NCAM2: variants seen among roughly 807,000 people sequenced by gnomAD.
NCAM2 encodes the protein neural cell adhesion molecule 2, also known as N-CAM-2.
NCAM2 carries 30 observed loss-of-function variants against 98.1 expected under a neutral mutation model. The ratio of observed to expected loss-of-function variants is 0.31; its 90% CI spans 0.23 to 0.41. The LOEUF is 0.41. NCAM2 is among the 10% of genes least tolerant of loss of function. The pLI is 1.00. For synonymous variants in NCAM2, 368 were observed against 342.4 expected, an observed-to-expected ratio of 1.07 and a Z score of -0.83; for missense variants, 867 against 1,005.8, an observed-to-expected ratio of 0.86 and a Z score of 1.87.
chr21:21,326,987 A>G (rs1272422205), intron 6 of NCAM2, among the ~76,000 whole-genome samples: 1 of 152,214 alleles, frequency 6.6e-6, no homozygotes, highest in Non-Finnish European at 1.5e-5. Context: ...AATATTTCCA[A>G]GCGAGATAAG....
At chr21:21,474,459 A>T (rs1984883454) in intron 14 of NCAM2, among the ~76,000 whole-genome samples, 1 of 152,036 alleles carries the variant, frequency 6.6e-6, no homozygotes, top group African/African-American at 2.4e-5. Flanking sequence ...TTTTTGAAGG[A>T]TTACCTGAAG....
At chr21:21,329,464 G>T (rs941067352) in intron 6 of NCAM2, among the ~76,000 whole-genome samples, 3 of 152,112 alleles carry the variant, frequency 2.0e-5, no homozygotes, top group Non-Finnish European at 4.4e-5. Flanking sequence ...ACTCTATGAT[G>T]TAAACAGAGC....
intron 1 of NCAM2, among the ~76,000 whole-genome samples, chr21:21,000,589 A>G (rs943073310): frequency 3.3e-5 from 5 of 152,224 alleles, no homozygotes; most frequent in African/African-American, 1.2e-4. Context: ...TGAGACAAGC[A>G]TCTCTGAAGG....
intron 8 of NCAM2, among the ~76,000 whole-genome samples, chr21:21,343,543 G>C (rs982376638): frequency 6.6e-6 from 1 of 152,126 alleles, no homozygotes. Context: ...GCCTTGACAT[G>C]GTGTCGAGAG....
At chr21:21,453,015 A>T (rs867029458) in intron 12 of NCAM2, among the ~76,000 whole-genome samples, 2,060 of 106,110 alleles carry the variant, frequency 0.019, 31 homozygotes, top group Non-Finnish European at 0.031. Flanking sequence ...TAATATATAA[A>T]AATATATAAT....
At chr21:21,100,662 T>A (rs1342309984) in intron 1 of NCAM2, among the ~76,000 whole-genome samples, 1 of 152,086 alleles carries the variant, frequency 6.6e-6, no homozygotes, top group Admixed American at 6.6e-5. Context: ...CACTTGAGTC[T>A]ACTTCCACTG....
intron 1 of NCAM2, among the ~76,000 whole-genome samples, chr21:21,133,813 C>A (rs527661749): frequency 8.5e-5 from 13 of 152,304 alleles, no homozygotes; most frequent in African/African-American, 3.1e-4. Flanking sequence ...ATCCCTTACC[C>A]AACCAACTTT....
intron 1 of NCAM2, among the ~76,000 whole-genome samples, chr21:21,024,891 A>G (rs1371151693): frequency 2.9e-5 from 4 of 137,822 alleles, no homozygotes; most frequent in African/African-American, 8.9e-5. Flanking sequence ...CGTCTCAAAG[A>G]AAAAAAAAAA....
At chr21:21,037,349 T>C (rs186055331) in intron 1 of NCAM2, among the ~76,000 whole-genome samples, 222 of 152,360 alleles carry the variant, frequency 1.5e-3, no homozygotes, top group African/African-American at 5.0e-3. Flanking sequence ...AATATAATTT[T>C]ATACCCATAG....
chr21:21,368,509 A>G (rs1305508933), intron 8 of NCAM2, among the ~76,000 whole-genome samples: 1 of 151,886 alleles, frequency 6.6e-6, no homozygotes, highest in Non-Finnish European at 1.5e-5. Context: ...AACAACAGAA[A>G]TTTATTTCTC....
intron 10 of NCAM2, among the ~76,000 whole-genome samples, chr21:21,411,703 G>A (rs2076891536): frequency 1.3e-5 from 2 of 152,028 alleles, no homozygotes; most frequent in South Asian, 4.1e-4. Flanking sequence ...GTTTGCATAA[G>A]CTAAAATGAA....
intron 1 of NCAM2, chr21:21,226,679 A>T (rs767861287): frequency 1.3e-5 from 2 of 152,068 alleles, no homozygotes; most frequent in Admixed American, 6.6e-5. Context: ...TGTATCTGTG[A>T]TTGTTATTCA....
chr21:21,112,348 G>T (rs184994245), intron 1 of NCAM2, among the ~76,000 whole-genome samples: 1 of 152,102 alleles, frequency 6.6e-6, no homozygotes, highest in East Asian at 1.9e-4. Context: ...TTCATCTCTG[G>T]ACAACAGAGA....
intron 9 of NCAM2, among the ~76,000 whole-genome samples, chr21:21,384,932 C>T (rs2076233373): frequency 6.6e-6 from 1 of 151,850 alleles, no homozygotes; most frequent in Admixed American, 6.6e-5. Flanking sequence ...AATATGTAAC[C>T]ATGATTGTAA....
At chr21:21,214,529 G>A (rs1268239191) in intron 1 of NCAM2, among the ~76,000 whole-genome samples, 5 of 151,732 alleles carry the variant, frequency 3.3e-5, no homozygotes, top group Non-Finnish European at 5.9e-5. Flanking sequence ...ACTCCTAAGT[G>A]GTGTTTCTGG....
At chr21:21,467,793 A>G (rs1443212718) in intron 13 of NCAM2, among the ~76,000 whole-genome samples, 1 of 151,884 alleles carries the variant, frequency 6.6e-6, no homozygotes, top group Non-Finnish European at 1.5e-5. Context: ...TGGGGAAGTC[A>G]AGGCTGAAAT....
At chr21:21,511,563 G>A (rs953529733) in intron 16 of NCAM2, among the ~76,000 whole-genome samples, 5 of 151,812 alleles carry the variant, frequency 3.3e-5, no homozygotes, top group African/African-American at 1.2e-4. Context: ...AAACATGGGA[G>A]TACAAATATC....
intron 16 of NCAM2, among the ~76,000 whole-genome samples, chr21:21,522,892 G>C (rs1989111024): frequency 1.3e-5 from 2 of 152,014 alleles, no homozygotes; most frequent in Admixed American, 1.3e-4. Context: ...CCAAAGTGCT[G>C]GGATTTCAGG....
chr21:21,534,920 C>A (rs1169364085), intron 17 of NCAM2, among the ~76,000 whole-genome samples: 1 of 151,968 alleles, frequency 6.6e-6, no homozygotes, highest in East Asian at 1.9e-4. Context: ...AAGTATCTTA[C>A]AGAGTTTGAG....
Sources: gnomAD v4.1 joint callset for allele counts (sites outside exome capture counted in the v4.1 genomes callset) on GRCh38, gnomAD v4.1.1 for gene constraint, MANE v1.5 for transcripts, NCBI Gene and HGNC (gene_info 2026-07-23, HGNC 2026-07-21) for gene names.